NUP214: variants seen among roughly 807,000 people sequenced by gnomAD.
NUP214 encodes the protein nuclear pore complex protein Nup214.
A neutral mutation model predicts 196.2 loss-of-function variants in NUP214; 79 were observed. The observed-to-expected ratio is 0.40, with a 90% confidence interval of 0.34 to 0.49. NUP214 has a LOEUF of 0.49. NUP214 is among the 20% of genes least tolerant of loss of function. The pLI, the probability that NUP214 is intolerant of heterozygous loss-of-function variation, is 0.58. For synonymous variants in NUP214, 1,020 were observed against 990.5 expected, an observed-to-expected ratio of 1.03 and a Z score of -0.56; for missense variants, 2,468 against 2,539.0, an observed-to-expected ratio of 0.97 and a Z score of 0.60.
chr9:131,177,781 A>G (rs2131006467), intron 23 of NUP214, among the ~76,000 whole-genome samples: 2 of 152,246 alleles, frequency 1.3e-5, no homozygotes, highest in Non-Finnish European at 2.9e-5. Flanking sequence ...CTCTTCTCCC[A>G]TTATTGTCCA....
intron 32 of NUP214, among the ~76,000 whole-genome samples, chr9:131,224,835 C>T (rs1166925653): frequency 1.3e-5 from 2 of 152,234 alleles, no homozygotes; most frequent in African/African-American, 2.4e-5. Context: ...AAAGGTGCAT[C>T]GTGAACATTT....
intron 17 of NUP214, among the ~76,000 whole-genome samples, chr9:131,156,368 AT>A (rs1832443254): frequency 1.3e-5 from 2 of 151,760 alleles, no homozygotes; most frequent in African/African-American, 2.4e-5. Flanking sequence ...TCCTGACCTC[AT>A]GATCCACCCG....
chr9:131,209,720 C>G (rs1312996796), intron 30 of NUP214, among the ~76,000 whole-genome samples: 1 of 152,164 alleles, frequency 6.6e-6, no homozygotes, highest in Non-Finnish European at 1.5e-5. Context: ...ATTAAAAACT[C>G]AGATTGGGAT....
rs201726976 is a variant in NUP214, at chr9:131,232,254, C to T, written c.6215-30C>T. ...CCTTTGTCTTTCGAGTGGATGCGTG[C>T]TTTAACTTCACTCTTATTCTGCTTT... On this transcript the variant is annotated intron_variant, in intron 34 of 35. Coordinates refer to ENST00000359428, the MANE Select transcript of NUP214 (RefSeq NM_005085.4). This position sits in a 1 kb window ranked among gnomAD's most constrained non-coding sequence, Gnocchi z 5.1. 1.5e-5 allele frequency: 25 copies of T among 1,613,800 alleles called. No homozygotes were observed. The highest frequency in any genetic ancestry group is 2.0e-5 in the Non-Finnish European group (24 of 1,179,798).
In NUP214 at chr9:131,162,987, A is replaced by G. The variant is rs779266999; in HGVS notation, c.2541-4A>G. ...TTTAATTCTTTTCTCATTGTTGTCA[A>G]CAGGCACCTGCTTGTGCCAGAGCGA... is the stretch of plus-strand genomic sequence containing the variant. On this transcript the variant is annotated splice_region_variant and splice_polypyrimidine_tract_variant and intron_variant, in intron 18 of 35. Coordinates refer to ENST00000359428, the MANE Select transcript of NUP214 (RefSeq NM_005085.4). 6.2e-7 allele frequency: 1 copy of G among 1,613,718 alleles called. No homozygotes were observed. The highest frequency in any genetic ancestry group is 1.1e-5 in the South Asian group (1 of 91,012).
chr9:131,135,072 C>A, intron 8 of NUP214, 68 bp downstream of exon 8: 1 of 1,095,436 alleles, frequency 9.1e-7, no homozygotes, highest in East Asian at 2.4e-5. Context: ...CACCTTGTCC[C>A]ATGTTGAAAT....
chr9:131,149,107 A>G (rs763242395), intron 14 of NUP214, among the ~76,000 whole-genome samples: 1 of 151,802 alleles, frequency 6.6e-6, no homozygotes, highest in Non-Finnish European at 1.5e-5. Flanking sequence ...CCCTGAGAAT[A>G]AGCGTTATGT....
At chr9:131,201,824 A>T in intron 30 of NUP214, 107 bp downstream of exon 30, 4 of 954,210 alleles carry the variant, frequency 4.2e-6, no homozygotes, top group Non-Finnish European at 5.1e-6. Flanking sequence ...CAGCAAATAT[A>T]GCCCTGTGTG....
In NUP214 at chr9:131,144,316, C is replaced by T. The variant is rs1425743194; in HGVS notation, c.1331C>T (p.Pro444Leu). The T allele has an allele frequency of 2.5e-6, 4 of 1,614,104 alleles. No homozygotes were observed. The highest frequency in any genetic ancestry group is 1.3e-5 in the African/African-American group (1 of 75,038). Residue 444 changes from proline to leucine, a missense_variant, in exon 12 of 36, where the codon CCA becomes CTA. By Grantham distance (98) the Pro-to-Leu change is moderately conservative. Around this residue, in one of 5 missense-constraint regions of NUP214, gnomAD observed 1,801 missense variants for 1,779.4 expected, o/e 1.01. Transcript: ENST00000359428. ...TPTTPTSSQA[P>L]QKLDASAAAA... is the part of the protein sequence containing the mutation. ...ACTACCCCAACCTCCTCTCAAGCCC[C>T]ACAGAAACTGGATGCTTCTGCAGCT... is the stretch of plus-strand genomic sequence containing the variant.
Position 131,223,703 on chromosome 9 carries a change from T to TTTTTA in NUP214, c.5902+777_5902+778insATTTT, listed in dbSNP as rs1367913457. Among the ~76,000 whole-genome samples, 763 of 119,690 alleles carry TTTTTA rather than the reference T, an allele frequency of 6.4e-3. 3 individuals are homozygous for TTTTTA. The highest frequency in any genetic ancestry group is 0.017 in the South Asian group (57 of 3,272). The allele number at this position is 119,690 out of a possible 152,430, so 78.5% of individuals were successfully genotyped here. ...TTTCCCCTCTTTCGCAAATCACTTT[T>TTTTTA]TTTTTATTTTTATTTATTTATTTAT... On this transcript the variant is annotated intron_variant, in intron 32 of 35. Coordinates refer to ENST00000359428, the MANE Select transcript of NUP214 (RefSeq NM_005085.4).
chr9:131,176,579 T>C (rs1369374405), intron 23 of NUP214, among the ~76,000 whole-genome samples: 1 of 152,184 alleles, frequency 6.6e-6, no homozygotes, highest in African/African-American at 2.4e-5. Context: ...TCCACCCGCC[T>C]CTACCTCCCA....
chr9:131,150,561 T>G, intron 15 of NUP214, 55 bp from the exon 16 acceptor site: 2 of 1,597,556 alleles, frequency 1.3e-6, no homozygotes, highest in Non-Finnish European at 1.7e-6. Flanking sequence ...ACGATAGCAG[T>G]GACATTACTG....
intron 3 of NUP214, among the ~76,000 whole-genome samples, chr9:131,129,046 C>T (rs1432807471): frequency 6.6e-6 from 1 of 152,144 alleles, no homozygotes; most frequent in Non-Finnish European, 1.5e-5. Flanking sequence ...TGTGCATTCC[C>T]CTTCTGAGAG....
Position 131,125,643 on chromosome 9 carries a change from G to A in NUP214, c.-62G>A. The A allele has an allele frequency of 6.5e-7, 1 of 1,543,588 alleles. No individual in the cohort carries two copies. Among genetic ancestry groups the A allele is most frequent in the Non-Finnish European group, 8.7e-7 (1 of 1,143,314 alleles). Reference sequence around the variant, plus strand: ...AGGAAGTTTGCTGTCGAGCGGCCTGGGTTCCGTGGGCAAGGCCGTGGGAGG... The same window carrying A: ...AGGAAGTTTGCTGTCGAGCGGCCTGAGTTCCGTGGGCAAGGCCGTGGGAGG... On this transcript the variant is annotated 5_prime_UTR_variant, in exon 1 of 36. Coordinates refer to ENST00000359428, the MANE Select transcript of NUP214 (RefSeq NM_005085.4). The surrounding 1 kb of genome is among the most constrained non-coding windows in gnomAD (Gnocchi z 4.1).
chr9:131,144,304 C>A lies in NUP214; in HGVS notation c.1319C>A (p.Ser440Tyr). Reference protein sequence around the residue: ...SPGSTPTTPTSSQAPQKLDAS... With the variant: ...SPGSTPTTPTYSQAPQKLDAS... ...GGAAGTACTCCCACTACCCCAACCT[C>A]CTCTCAAGCCCCACAGAAACTGGAT... is the stretch of plus-strand genomic sequence containing the variant. The change falls in exon 12 of 36, where the codon TCC becomes TAC. Residue 440 changes from serine to tyrosine, a missense_variant. Ser to Tyr is a moderately radical substitution (Grantham distance 144, BLOSUM62 -2). Coordinates refer to ENST00000359428, the MANE Select transcript of NUP214 (RefSeq NM_005085.4). 1 of 1,613,978 alleles carries A rather than the reference C, an allele frequency of 6.2e-7. No homozygotes were observed. Among genetic ancestry groups the A allele is most frequent in the Non-Finnish European group, 8.5e-7 (1 of 1,179,998 alleles).
chr9:131,131,129 C>T (rs1019953728), intron 5 of NUP214, among the ~76,000 whole-genome samples: 2 of 152,174 alleles, frequency 1.3e-5, no homozygotes, highest in African/African-American at 4.8e-5. Flanking sequence ...TGATCATACG[C>T]TATGCGCTGT....
chr9:131,205,112 C>T (rs1834042031), intron 30 of NUP214, among the ~76,000 whole-genome samples: 1 of 152,120 alleles, frequency 6.6e-6, no homozygotes. Flanking sequence ...CAGAGCAAGA[C>T]TCCATCTCAA....
intron 31 of NUP214, among the ~76,000 whole-genome samples, chr9:131,219,319 G>A (rs372267063): frequency 1.3e-5 from 2 of 152,274 alleles, no homozygotes; most frequent in South Asian, 2.1e-4. Context: ...TTTACAGAAC[G>A]TCTCCCAGGT....
rs375068533 is a variant in NUP214 at position 131,197,959 on chromosome 9, G to T, written c.4465G>T (p.Ala1489Ser). Reference protein sequence around the residue: ...SATTPSLPMSAGRSTEEATSS... With the variant: ...SATTPSLPMSSGRSTEEATSS... ...AACTACCCCCTCCCTGCCTATGTCC[G>T]CTGGCAGAAGCACAGAAGAGGCCAC... The change falls in exon 29 of 36, where the codon GCT becomes TCT. Residue 1489 changes from alanine to serine, a missense_variant. Coordinates refer to ENST00000359428, the MANE Select transcript of NUP214 (RefSeq NM_005085.4). The T allele has an allele frequency of 1.9e-6, 3 of 1,613,990 alleles. No individual in the cohort carries two copies. The highest frequency in any genetic ancestry group is 1.3e-5 in the African/African-American group (1 of 74,878).
Sources: allele counts gnomAD v4.1 joint callset (sites outside exome capture counted in the v4.1 genomes callset), GRCh38; gene constraint gnomAD v4.1.1; regional missense constraint gnomAD v4.1.1; non-coding constraint Gnocchi (gnomAD v3.1); transcripts MANE v1.5; gene names NCBI Gene and HGNC (gene_info 2026-07-23, HGNC 2026-07-21).